Variants in ABCB5 observed in about 807,000 individuals in gnomAD.
ABCB5 encodes ATP binding cassette subfamily B member 5.
Under a neutral mutation model 144.2 loss-of-function variants are expected in ABCB5, and 155 were observed. That is an observed-to-expected ratio of 1.08 (90% CI 0.94 to 1.23). The LOEUF (loss-of-function observed/expected upper bound fraction) is 1.23, where lower values mean the gene tolerates loss of function less well. Ranked by LOEUF, ABCB5 falls within the 50% of genes most tolerant of loss-of-function variation. The pLI, the probability that ABCB5 is intolerant of heterozygous loss-of-function variation, is 0.00. For synonymous variants in ABCB5, 610 were observed against 528.6 expected (o/e 1.15, Z -2.11); for missense variants, 1,830 against 1,520.8 (o/e 1.20, Z -3.38).
At position 20,628,704 on chromosome 7, in the gene ABCB5, G is replaced by T. The variant is rs754195971; in HGVS notation, c.125G>T (p.Gly42Val). The change falls in exon 4 of 28, where the codon GGA becomes GTA. Residue 42 changes from glycine to valine, a missense_variant. Gly to Val is a moderately radical substitution (Grantham distance 109, BLOSUM62 -3). Transcript: ENST00000404938. ...GSIEIFRFAD[G>V]LDITLMILGI... ...TTTCCTCAGTTCCGCTTTGCTGATG[G>T]ACTGGACATCACACTCATGATCCTG... The T allele has an allele frequency of 6.2e-7, 1 of 1,613,008 alleles. No homozygotes were observed. The highest frequency in any genetic ancestry group is 1.1e-5 in the South Asian group (1 of 90,948).
At chr7:20,720,394 G>T (rs1781820706) in intron 20 of ABCB5, among the ~76,000 whole-genome samples, 1 of 152,140 alleles carries the variant, frequency 6.6e-6, no homozygotes, top group African/African-American at 2.4e-5. Flanking sequence ...TACAAAGGGA[G>T]AAAGAACAAC....
chr7:20,740,583 A>C (rs2128054742), intron 24 of ABCB5, among the ~76,000 whole-genome samples: 1 of 152,234 alleles, frequency 6.6e-6, no homozygotes, highest in South Asian at 2.1e-4. Flanking sequence ...AGGATGTAAG[A>C]AGCTTTTTTT....
intron 23 of ABCB5, 39 bp from the exon 24 acceptor site, chr7:20,738,944 T>C (rs1309647604): frequency 6.5e-7 from 1 of 1,534,794 alleles, no homozygotes; most frequent in Admixed American, 2.1e-5. Context: ...TTACAAAGGA[T>C]CGATGGACCT....
At chr7:20,737,663 A>T (rs759115157) in intron 23 of ABCB5, among the ~76,000 whole-genome samples, 4 of 152,110 alleles carry the variant, frequency 2.6e-5, no homozygotes, top group African/African-American at 4.8e-5. Context: ...CTCATAATCC[A>T]ATTATCTTCC....
At chr7:20,665,866 TAAAAA>T (rs5882752) in intron 14 of ABCB5, among the ~76,000 whole-genome samples, 1 of 145,302 alleles carries the variant, frequency 6.9e-6, no homozygotes, top group African/African-American at 2.5e-5. Context: ...ATTTTGCAGT[TAAAAA>T]AAAAAAAAAA....
At chr7:20,718,002 C>A (rs1219092096) in intron 20 of ABCB5, among the ~76,000 whole-genome samples, 1 of 136,318 alleles carries the variant, frequency 7.3e-6, no homozygotes. Flanking sequence ...CCCGAGTTAA[C>A]GCCATTCTCC....
intron 23 of ABCB5, among the ~76,000 whole-genome samples, chr7:20,731,401 T>C (rs972984916): frequency 3.3e-5 from 5 of 149,870 alleles, no homozygotes; most frequent in African/African-American, 9.8e-5. Context: ...TAAAATTTAC[T>C]GGATCCTGTT....
chr7:20,718,079 GT>G (rs377757870), intron 20 of ABCB5, among the ~76,000 whole-genome samples: 89 of 140,326 alleles, frequency 6.3e-4, no homozygotes, highest in Admixed American at 2.5e-3. Context: ...TTTTTTTGTG[GT>G]TTTTTTTTTT....
chr7:20,648,278 C>T (rs1435999668), intron 11 of ABCB5, among the ~76,000 whole-genome samples, 200 bp downstream of exon 11: 3 of 152,166 alleles, frequency 2.0e-5, no homozygotes, highest in African/African-American at 7.2e-5. Context: ...TTTCTATATT[C>T]AACTGACTAA....
At chr7:20,688,382 T>C (rs1459237477) in intron 16 of ABCB5, among the ~76,000 whole-genome samples, 1 of 152,120 alleles carries the variant, frequency 6.6e-6, no homozygotes. Context: ...GAGGGGATTG[T>C]AGTATGGGGA....
At position 20,618,401 on chromosome 7, in the gene ABCB5, T is replaced by C. The variant is rs370729921; in HGVS notation, c.-22+2564T>C. ...CATTTATATGGCTATCTTCACCTTT[T>C]ATATAATTTCAACTTTTATTTTAGA... On this transcript the variant is annotated intron_variant, in intron 1 of 27. Transcript: ENST00000404938. Among the ~76,000 whole-genome samples, 4 of 152,372 alleles carry C rather than the reference T, an allele frequency of 2.6e-5. No individual in the cohort carries two copies. The East Asian group carries it at 5.8e-4, about 22-fold the overall frequency.
At position 20,660,738 on chromosome 7, in the gene ABCB5, A is replaced by T. The variant is rs6952128; in HGVS notation, c.1707+2062A>T. On this transcript the variant is annotated intron_variant, in intron 14 of 27. Coordinates refer to ENST00000404938, the MANE Select transcript of ABCB5 (RefSeq NM_001163941.2). Reference sequence around the variant, plus strand: ...CCTAACCCACACAGTTAACAGTTTTATGCTGCTCAAAATATCCTGCAAGCC... The same window carrying T: ...CCTAACCCACACAGTTAACAGTTTTTTGCTGCTCAAAATATCCTGCAAGCC... 1.4e-4 allele frequency among the ~76,000 whole-genome samples: 21 copies of T among 152,036 alleles called. No individual in the cohort carries two copies. In the Middle Eastern group the frequency reaches 0.01, roughly 74 times the overall value.
intron 1 of ABCB5, among the ~76,000 whole-genome samples, chr7:20,618,532 G>A (rs185505826): frequency 1.3e-5 from 2 of 151,946 alleles, no homozygotes; most frequent in African/African-American, 2.4e-5. Flanking sequence ...CATAGTACTC[G>A]GTAGGTAGTT....
At chr7:20,623,200 G>A in intron 1 of ABCB5, 65 bp from the exon 2 acceptor site, 1 of 942,612 alleles carries the variant, frequency 1.1e-6, no homozygotes, top group Non-Finnish European at 1.7e-6. Flanking sequence ...TGTAAAGAAT[G>A]CTGTATATCA....
intron 25 of ABCB5, 147 bp downstream of exon 25, chr7:20,743,221 T>G: frequency 1.2e-6 from 1 of 801,240 alleles, no homozygotes; most frequent in Non-Finnish European, 2.0e-6. Flanking sequence ...AACCCTTAAC[T>G]AAGAGGACAA....
intron 20 of ABCB5, among the ~76,000 whole-genome samples, chr7:20,721,752 A>G (rs757319725): frequency 1.3e-5 from 2 of 152,238 alleles, no homozygotes; most frequent in Non-Finnish European, 2.9e-5. Context: ...TACAGGTTCC[A>G]TAATGCAAAT....
intron 1 of ABCB5, among the ~76,000 whole-genome samples, chr7:20,620,723 T>C (rs967529480): frequency 2.0e-5 from 3 of 152,084 alleles, no homozygotes; most frequent in Non-Finnish European, 4.4e-5. Context: ...ATTTCTATTG[T>C]CCATTAATCA....
chr7:20,732,607 G>C (rs1187694298), intron 23 of ABCB5, among the ~76,000 whole-genome samples: 1 of 152,100 alleles, frequency 6.6e-6, no homozygotes, highest in African/African-American at 2.4e-5. Context: ...ATGTGCCTTC[G>C]GAGTCACCTT....
In ABCB5 at chr7:20,711,783, T is replaced by TCTTTCTTC. The variant is rs1458231412; in HGVS notation, c.2421+6983_2421+6984insCCTTTCTT. Among the ~76,000 whole-genome samples the TCTTTCTTC allele has an allele frequency of 1.7e-3, 21 of 12,122 alleles. 4 individuals carry two copies. The highest frequency in any genetic ancestry group is 4.7e-3 in the African/African-American group (3 of 634). The allele number at this position is 12,122 out of a possible 152,430, so 8.0% of individuals were successfully genotyped here. A position where few individuals can be genotyped will look rare whatever the true frequency, so the allele number is the denominator to read the frequency against. On this transcript the variant is annotated intron_variant, in intron 20 of 27. Transcript: ENST00000404938. ...CTGCCTGCCTTTCCTTCTTTCTCTTTCTTTCTTTCTTTCTTTCTTTCTTTC... is the reference window on the plus strand; with the variant it reads ...CTGCCTGCCTTTCCTTCTTTCTCTTTCTTTCTTCCTTTCTTTCTTTCTTTCTTTCTTTC...
Sources: gnomAD v4.1 joint callset for allele counts (sites outside exome capture counted in the v4.1 genomes callset) on GRCh38, gnomAD v4.1.1 for gene constraint, MANE v1.5 for transcripts, NCBI Gene and HGNC (gene_info 2026-07-23, HGNC 2026-07-21) for gene names.